Variants in RELN observed in about 807,000 individuals in gnomAD.
The protein encoded by RELN is reelin.
Under a neutral mutation model 427.6 loss-of-function variants are expected in RELN, and 108 were observed. The observed-to-expected ratio is 0.25, with a 90% confidence interval of 0.22 to 0.30. RELN has a LOEUF of 0.30. Among genes scored for constraint, RELN ranks in the 10% least tolerant of loss-of-function variants. The probability of loss-of-function intolerance (pLI) is 1.00; values close to 1 mark genes in which losing one functional copy is unlikely to be tolerated. For missense variants in RELN, 3,715 were observed against 4,302.8 expected (o/e 0.86, Z 3.82); for synonymous variants, 1,524 against 1,513.4 (o/e 1.01, Z -0.16).
Position 103,553,736 on chromosome 7 carries a change from G to C in RELN, c.5893C>G (p.Pro1965Ala). The C allele has an allele frequency of 6.2e-7, 1 of 1,613,942 alleles. No homozygotes were observed. The highest frequency in any genetic ancestry group is 8.5e-7 in the Non-Finnish European group (1 of 1,179,908). Reference protein sequence around the residue: ...VMLLDTFDFGPREDNWFFYPG... With the variant: ...VMLLDTFDFGAREDNWFFYPG... ...TAGAAAAACCAATTGTCTTCTCTGGGCCCAAAATCAAATGTATCCAAGAGC... is the reference window on the plus strand; with the variant it reads ...TAGAAAAACCAATTGTCTTCTCTGGCCCCAAAATCAAATGTATCCAAGAGC... The change falls in exon 39 of 65, where the codon CCC becomes GCC. Residue 1965 changes from proline to alanine, a missense_variant. Pro to Ala is a conservative substitution (Grantham distance 27). Coordinates refer to ENST00000428762, the MANE Select transcript of RELN (RefSeq NM_005045.4).
chr7:103,796,479 A>G (rs796123323), intron 3 of RELN, among the ~76,000 whole-genome samples: 3 of 152,288 alleles, frequency 2.0e-5, no homozygotes, highest in African/African-American at 7.2e-5. Flanking sequence ...TTGTAGTGAG[A>G]AGAATAGAAA....
At position 103,968,139 on chromosome 7, in the gene RELN, T is replaced by C. The variant is rs893256537; in HGVS notation, c.226+20992A>G. Among the ~76,000 whole-genome samples the C allele has an allele frequency of 2.0e-5, 3 of 151,820 alleles. No homozygotes were observed. Among genetic ancestry groups the C allele is most frequent in the South Asian group, 2.1e-4 (1 of 4,824 alleles). On this transcript the variant is annotated intron_variant, in intron 1 of 64. Transcript: ENST00000428762. This position sits in a 1 kb window ranked among gnomAD's most constrained non-coding sequence, Gnocchi z 4.3. ...TATTTCATTGATCAAACAGAATACT[T>C]TCTACAAAGTAGGCCCTCAACAAAT...
At chr7:103,672,459 T>G (rs780327498) in intron 11 of RELN, among the ~76,000 whole-genome samples, 60 of 152,230 alleles carry the variant, frequency 3.9e-4, no homozygotes, top group Non-Finnish European at 6.9e-4. Context: ...ATTTGAAAAA[T>G]TACTGTTTTT....
intron 1 of RELN, among the ~76,000 whole-genome samples, chr7:103,922,143 TCTAC>T (rs1352017972): frequency 6.6e-6 from 1 of 151,994 alleles, no homozygotes; most frequent in Non-Finnish European, 1.5e-5. Flanking sequence ...AAATCTAACT[TCTAC>T]AGAAAAAACT....
intron 12 of RELN, among the ~76,000 whole-genome samples, chr7:103,660,122 A>G (rs1833106923): frequency 6.6e-6 from 1 of 152,178 alleles, no homozygotes; most frequent in Non-Finnish European, 1.5e-5. Flanking sequence ...ATCACCAAAT[A>G]TGGTTAATTT....
chr7:103,586,380 A>T (rs1473778122), intron 28 of RELN, among the ~76,000 whole-genome samples: 7 of 151,986 alleles, frequency 4.6e-5, no homozygotes, highest in Non-Finnish European at 1.0e-4. Flanking sequence ...TAAAAATAAA[A>T]ATAAAAAATA....
At position 103,982,315 on chromosome 7, in the gene RELN, C is replaced by G. The variant is rs554915840; in HGVS notation, c.226+6816G>C. Among the ~76,000 whole-genome samples the G allele has an allele frequency of 2.1e-4, 32 of 152,272 alleles. No individual in the cohort carries two copies. In the East Asian group the frequency reaches 5.8e-3, roughly 28 times the overall value. On this transcript the variant is annotated intron_variant, in intron 1 of 64. Coordinates refer to ENST00000428762, the MANE Select transcript of RELN (RefSeq NM_005045.4). ...TTAAAAAATACTCACCTCCATGGCT[C>G]CCTTGCAGCTCCATGTAATTCAGCG...
intron 12 of RELN, 143 bp from the exon 13 acceptor site, chr7:103,654,348 C>G (rs1390636778): frequency 1.6e-6 from 1 of 644,690 alleles, no homozygotes; most frequent in African/African-American, 1.8e-5. Flanking sequence ...TAAACAGACT[C>G]AAGGAAATAA....
chr7:103,614,642 C>A (rs1832039356), intron 20 of RELN, among the ~76,000 whole-genome samples: 1 of 152,176 alleles, frequency 6.6e-6, no homozygotes, highest in Admixed American at 6.6e-5. Flanking sequence ...AAGCCCAGGA[C>A]TGCCTATTCT....
chr7:103,583,120 A>C (rs2117224887), intron 28 of RELN, among the ~76,000 whole-genome samples: 1 of 152,326 alleles, frequency 6.6e-6, no homozygotes, highest in South Asian at 2.1e-4. Context: ...TCTAGGGAGA[A>C]AGAAAGCTGG....
chr7:103,670,619 T>C (rs1045426793), intron 11 of RELN, among the ~76,000 whole-genome samples: 1 of 151,894 alleles, frequency 6.6e-6, no homozygotes, highest in Non-Finnish European at 1.5e-5. Flanking sequence ...GGAATTAGCA[T>C]GGGGGGGAAA....
rs139242399 is a variant in RELN, at chr7:103,931,524, CA to C, written c.227-14340del. ...AATGTCTGATCCCTCATTGCATCCC[CA>C]ACACCACTGAGCATAGTCCCTAAAA... On this transcript the variant is annotated intron_variant, in intron 1 of 64. Transcript: ENST00000428762. Among the ~76,000 whole-genome samples the C allele has an allele frequency of 7.2e-3, 1,104 of 152,308 alleles. 12 individuals are homozygous for C. The highest frequency in any genetic ancestry group is 0.025 in the African/African-American group (1,028 of 41,568).
intron 3 of RELN, among the ~76,000 whole-genome samples, chr7:103,815,413 T>C (rs1466557806): frequency 6.6e-6 from 1 of 152,212 alleles, no homozygotes; most frequent in East Asian, 1.9e-4. Context: ...CTTCCTCAGA[T>C]TTAAAATCAT....
At chr7:103,872,656 T>C (rs1452854238) in intron 2 of RELN, among the ~76,000 whole-genome samples, 1 of 143,136 alleles carries the variant, frequency 7.0e-6, no homozygotes, top group Non-Finnish European at 1.5e-5. Flanking sequence ...TCCACAATGG[T>C]TGAACTAGTT....
At chr7:103,638,820 T>C (rs973059063) in intron 17 of RELN, among the ~76,000 whole-genome samples, 4 of 152,212 alleles carry the variant, frequency 2.6e-5, no homozygotes, top group Non-Finnish European at 4.4e-5. Flanking sequence ...CATTTAGATT[T>C]GTTTGTATCC....
At chr7:103,831,277 T>C (rs1563038719) in intron 3 of RELN, among the ~76,000 whole-genome samples, 1 of 152,106 alleles carries the variant, frequency 6.6e-6, no homozygotes, top group Non-Finnish European at 1.5e-5. Context: ...AGAGAAAGCA[T>C]ACCAAAAGAG....
rs761288381 is a variant in RELN, at chr7:103,682,211, G to C, written c.1194C>G (p.Gly398=). 6.2e-7 allele frequency: 1 copy of C among 1,613,942 alleles called. No individual in the cohort carries two copies. Among genetic ancestry groups the C allele is most frequent in the Non-Finnish European group, 8.5e-7 (1 of 1,179,856 alleles). Residue 398 remains glycine, a synonymous_variant, in exon 11 of 65, where the codon GGC becomes GGG. Transcript: ENST00000428762. The part of the protein sequence containing the change: ...GNSIYFHGNE[G]SEFNFATTRD... ...TGGTGGTGGCAAAATTGAACTCGCT[G>C]CCTTCATTTCCATGGAAATAAATGG...
intron 2 of RELN, among the ~76,000 whole-genome samples, chr7:103,889,059 T>C (rs1284929864): frequency 6.6e-6 from 1 of 152,178 alleles, no homozygotes; most frequent in Non-Finnish European, 1.5e-5. Flanking sequence ...CAGCTCTGTT[T>C]CTGACGAGAG....
intron 2 of RELN, among the ~76,000 whole-genome samples, chr7:103,834,460 A>G (rs1485541857): frequency 6.6e-6 from 1 of 152,200 alleles, no homozygotes; most frequent in Non-Finnish European, 1.5e-5. Context: ...TGACTTGCTC[A>G]TGTTCAAAAT....
Sources: gnomAD v4.1 joint callset for allele counts (sites outside exome capture counted in the v4.1 genomes callset) on GRCh38, gnomAD v4.1.1 for gene constraint, Gnocchi (gnomAD v3.1) non-coding constraint, MANE v1.5 for transcripts, NCBI Gene and HGNC (gene_info 2026-07-23, HGNC 2026-07-21) for gene names.